AATK: variants seen among roughly 807,000 people sequenced by gnomAD.
AATK encodes the protein serine/threonine-protein kinase LMTK1.
AATK carries 91 observed loss-of-function variants against 114.3 expected under a neutral mutation model. The ratio of observed to expected loss-of-function variants is 0.80; its 90% CI spans 0.67 to 0.95. The LOEUF (loss-of-function observed/expected upper bound fraction) is 0.95. AATK is among the 40% of genes least tolerant of loss of function. The pLI, the probability that AATK is intolerant of heterozygous loss-of-function variation, is 0.00. For missense variants in AATK, 2,176 were observed against 1,965.2 expected (o/e 1.11, Z -2.03); for synonymous variants, 1,075 against 916.5 (o/e 1.17, Z -3.12).
chr17:81,125,314 G>A (rs377125988), intron 7 of AATK: 56 of 732,350 alleles, frequency 7.6e-5, no homozygotes, highest in African/African-American at 6.2e-4. Context: ...AGAACCTGCC[G>A]GAACCCACCC....
chr17:81,135,370 TCCCCTGGG>T (rs2060994724), intron 1 of AATK, among the ~76,000 whole-genome samples: 1 of 152,080 alleles, frequency 6.6e-6, no homozygotes, highest in Admixed American at 6.5e-5. Context: ...GCTGGCTCTA[TCCCCTGGG>T]CCTGCCCCGT....
At chr17:81,123,971 G>GA (rs1185290038) in intron 9 of AATK, among the ~76,000 whole-genome samples, 5 of 152,198 alleles carry the variant, frequency 3.3e-5, no homozygotes, top group African/African-American at 1.2e-4. Flanking sequence ...CCTGTGACTG[G>GA]AGACCCCAGC....
chr17:81,140,244 A>G (rs7503010), intron 1 of AATK, among the ~76,000 whole-genome samples: 147,711 of 152,296 alleles, frequency 0.97, 71,787 homozygotes, highest in East Asian at 1. Context: ...CCGTGAGGGA[A>G]GGCAGGGCCT....
chr17:81,134,215 G>A (rs756166083), intron 2 of AATK, among the ~76,000 whole-genome samples, 153 bp downstream of exon 2: 11 of 152,188 alleles, frequency 7.2e-5, no homozygotes, highest in Non-Finnish European at 1.2e-4. Context: ...CCTGGGCCAG[G>A]GTCCACGTGG....
At chr17:81,138,482 TGCATGCACACAC>T (rs1335715301) in intron 1 of AATK, among the ~76,000 whole-genome samples, 1 of 134,548 alleles carries the variant, frequency 7.4e-6, no homozygotes, top group Non-Finnish European at 1.6e-5. Flanking sequence ...CATGCACACA[TGCATGCACACAC>T]ACCCTCGTGC....
In AATK at chr17:81,132,645, C is replaced by T. The variant is rs1451669717; in HGVS notation, c.190-1440G>A. 1.7e-5 allele frequency: 5 copies of T among 295,710 alleles called. 1 individual carries two copies. Among genetic ancestry groups the T allele is most frequent in the Admixed American group, 8.2e-5 (2 of 24,260 alleles). The allele number at this position is 295,710 out of a possible 1,614,324, so 18.3% of individuals were successfully genotyped here. A position where few individuals can be genotyped will look rare whatever the true frequency, so the allele number is the denominator to read the frequency against. On this transcript the variant is annotated intron_variant, in intron 2 of 13. Transcript: ENST00000326724. Reference sequence around the variant, plus strand: ...CTCTCCCTGGGGTCGGGCCCGGGCTCCAGGCATTACCTGCTGCCCGGGGGC... The same window carrying T: ...CTCTCCCTGGGGTCGGGCCCGGGCTTCAGGCATTACCTGCTGCCCGGGGGC...
At chr17:81,123,489 C>T (rs1351257895) in intron 9 of AATK, 146 bp from the exon 10 acceptor site, 2 of 693,198 alleles carry the variant, frequency 2.9e-6, no homozygotes. Context: ...AGCCGCCCCT[C>T]CCTGAGGACA....
chr17:81,165,874 C>T, intron 1 of AATK, 64 bp downstream of exon 1: 1 of 1,546,082 alleles, frequency 6.5e-7, no homozygotes, highest in Non-Finnish European at 8.7e-7. Context: ...CCGTGGGGCC[C>T]AGGGGCATCA....
At chr17:81,157,076 C>G (rs1329212458) in intron 1 of AATK, among the ~76,000 whole-genome samples, 2 of 152,196 alleles carry the variant, frequency 1.3e-5, no homozygotes, top group Non-Finnish European at 2.9e-5. Context: ...CGAGACCAGA[C>G]AGATGTGGGC....
chr17:81,160,521 C>A (rs2061418330), intron 1 of AATK, among the ~76,000 whole-genome samples: 1 of 152,252 alleles, frequency 6.6e-6, no homozygotes, highest in Admixed American at 6.5e-5. Context: ...CCCGCGGGCG[C>A]TTGTTCCTCT....
At chr17:81,123,825 G>T (rs2060739491) in intron 9 of AATK, among the ~76,000 whole-genome samples, 1 of 152,176 alleles carries the variant, frequency 6.6e-6, no homozygotes, top group African/African-American at 2.4e-5. Context: ...GAGCGTGCAG[G>T]CGGGTAGGGT....
chr17:81,124,322 C>G (rs1008663065), intron 9 of AATK, among the ~76,000 whole-genome samples: 2 of 152,196 alleles, frequency 1.3e-5, no homozygotes, highest in Non-Finnish European at 2.9e-5. Flanking sequence ...GGCTTCCAGG[C>G]TGCGGCCGTG....
At chr17:81,139,094 A>G (rs775746056) in intron 1 of AATK, among the ~76,000 whole-genome samples, 3 of 152,228 alleles carry the variant, frequency 2.0e-5, no homozygotes, top group Non-Finnish European at 4.4e-5. Context: ...ACATGTGCAC[A>G]CACATCCCCT....
chr17:81,161,872 T>C (rs2061432476), intron 1 of AATK, among the ~76,000 whole-genome samples: 1 of 152,056 alleles, frequency 6.6e-6, no homozygotes, highest in Non-Finnish European at 1.5e-5. Context: ...TTCCAGCATG[T>C]TCCACACAAC....
At chr17:81,119,151 T>TGAGGGC (rs1568215453) in intron 13 of AATK, among the ~76,000 whole-genome samples, 4 of 16,562 alleles carry the variant, frequency 2.4e-4, no homozygotes, top group African/African-American at 6.4e-4. Context: ...CAGGTGAGGG[T>TGAGGGC]CAGGTGAGGG....
At position 81,122,769 on chromosome 17, in the gene AATK, C is replaced by A; in HGVS notation, c.1167G>T (p.Glu389Asp). 1 of 1,595,758 alleles carries A rather than the reference C, an allele frequency of 6.3e-7. No individual in the cohort carries two copies. The highest frequency in any genetic ancestry group is 8.5e-7 in the Non-Finnish European group (1 of 1,172,736). Residue 389 changes from glutamate (E) to aspartate (D), a missense_variant, in exon 11 of 14, where the codon GAG becomes GAT. Coordinates refer to ENST00000326724, the MANE Select transcript of AATK (RefSeq NM_001080395.3). ...GGTAGGACAGCAGCAGGTGCACCTC[C>A]TCGGCTGTGGGCCGCTGCTCGGGCT... ...WLQPEQRPTAEEVHLLLSYLC... is the reference protein window; with the variant it reads ...WLQPEQRPTADEVHLLLSYLC...
At position 81,131,193 on chromosome 17, in the gene AATK, C is replaced by T; in HGVS notation, c.202G>A (p.Ala68Thr). Residue 68 changes from alanine to threonine, a missense_variant, in exon 3 of 14, where the codon GCG (alanine) becomes ACG (threonine). Physicochemically the swap from Ala to Thr is moderately conservative, Grantham distance 58. This residue lies in a region of AATK where 178 missense variants were observed against 175.4 expected (regional missense o/e 1.01). Transcript: ENST00000326724. ...TCGGCTGCGTACTCGTCCCCCTCCG[C>T]ATTCTCAAACTCCTGCGGGCCGGGC... is the stretch of plus-strand genomic sequence containing the variant. ...GGIGFKEFEN[A>T]EGDEYAADLA... 1.9e-6 allele frequency: 3 copies of T among 1,580,142 alleles called. No homozygotes were observed. In the South Asian group the frequency reaches 3.5e-5, roughly 18 times the overall value.
At chr17:81,119,632 C>G in intron 12 of AATK, 52 bp from the exon 13 acceptor site, 5 of 1,487,230 alleles carry the variant, frequency 3.4e-6, no homozygotes, top group Non-Finnish European at 4.5e-6. Context: ...GACCCCGGCC[C>G]GGCCCCGCTC....
At chr17:81,143,353 G>A (rs1441774384) in intron 1 of AATK, among the ~76,000 whole-genome samples, 1 of 152,220 alleles carries the variant, frequency 6.6e-6, no homozygotes, top group African/African-American at 2.4e-5. Context: ...GGTGCTCACT[G>A]CAGCACAGGG....
Sources: allele counts gnomAD v4.1 joint callset (sites outside exome capture counted in the v4.1 genomes callset), GRCh38; gene constraint gnomAD v4.1.1; regional missense constraint gnomAD v4.1.1; transcripts MANE v1.5; gene names NCBI Gene and HGNC (gene_info 2026-07-23, HGNC 2026-07-21).